SASH1: variants seen among roughly 807,000 people sequenced by gnomAD.
SASH1 encodes the protein SAM and SH3 domain containing 1.
SASH1 carries 44 observed loss-of-function variants against 125.2 expected under a neutral mutation model. The ratio of observed to expected loss-of-function variants is 0.35; its 90% CI spans 0.28 to 0.45. The LOEUF (loss-of-function observed/expected upper bound fraction) is 0.45. SASH1 is among the 20% of genes least tolerant of loss of function. The probability of loss-of-function intolerance (pLI) is 1.00; values close to 1 mark genes in which losing one functional copy is unlikely to be tolerated. For synonymous variants in SASH1, 639 were observed against 649.1 expected (o/e 0.98, Z 0.24); for missense variants, 1,426 against 1,614.5 (o/e 0.88, Z 2.00).
intron 1 of SASH1, 41 bp from the exon 2 acceptor site, chr6:148,390,093 G>A (rs989258030): frequency 2.5e-5 from 40 of 1,608,384 alleles, no homozygotes; most frequent in Non-Finnish European, 3.4e-5. Flanking sequence ...GCTTTTCCAG[G>A]GTGGACTGAC....
chr6:148,300,442 ATTTTTTTT>A (rs34126353), intron 1 of SASH1, among the ~76,000 whole-genome samples: 3 of 108,362 alleles, frequency 2.8e-5, no homozygotes, highest in African/African-American at 1.1e-4. Flanking sequence ...CAGAAACAAG[ATTTTTTTT>A]TTTTTTTTTT....
chr6:148,324,093 G>A (rs974618745), intron 1 of SASH1, among the ~76,000 whole-genome samples: 11 of 115,580 alleles, frequency 9.5e-5, no homozygotes, highest in Admixed American at 6.4e-4. Context: ...GCACGCCAGC[G>A]TGGTGACAGA....
chr6:148,340,848 G>A (rs895607261), upstream of SASH1, among the ~76,000 whole-genome samples: 10 of 152,152 alleles, frequency 6.6e-5, no homozygotes, highest in East Asian at 1.9e-4. Context: ...AAACATTATC[G>A]TCAGAGACTG....
At chr6:148,476,274 C>CAAAAAAAAAAAAAAAAAAAAAAAAA in intron 7 of SASH1, among the ~76,000 whole-genome samples, 1 of 88,148 alleles carries the variant, frequency 1.1e-5, no homozygotes, top group Non-Finnish European at 2.3e-5. Context: ...AAAAGGACAC[C>CAAAAAAAAAAAAAAAAAAAAAAAAA]AAAAAAAAAA....
intron 7 of SASH1, among the ~76,000 whole-genome samples, chr6:148,475,081 A>G (rs947772941): frequency 3.9e-5 from 6 of 152,212 alleles, no homozygotes; most frequent in Admixed American, 3.9e-4. Flanking sequence ...GTAAGGCAGC[A>G]ATTTATTAAG....
the SASH1 span, among the ~76,000 whole-genome samples, chr6:148,237,811 G>C: frequency 4.6e-5 from 7 of 152,324 alleles, no homozygotes; most frequent in African/African-American, 1.4e-4. Context: ...AGCAGAGCTA[G>C]TTGAAAGAGC....
At chr6:148,221,893 TCTTTA>T in the SASH1 span, among the ~76,000 whole-genome samples, 2 of 152,240 alleles carry the variant, frequency 1.3e-5, no homozygotes, top group African/African-American at 4.8e-5. Context: ...CTTAGCCTGT[TCTTTA>T]CTTCTCACTC....
intron 2 of SASH1, among the ~76,000 whole-genome samples, chr6:148,391,355 G>A (rs1783718211): frequency 2.0e-5 from 3 of 148,834 alleles, no homozygotes; most frequent in East Asian, 2.0e-4. Context: ...GTGACCACCC[G>A]CGTTGGCCTC....
upstream of SASH1, chr6:148,272,242 C>A (rs1344100370): frequency 2.3e-6 from 1 of 434,434 alleles, no homozygotes. Context: ...CCACATCTGC[C>A]CTGAATTGAA....
At chr6:148,545,946 G>A (rs1583341466) in intron 18 of SASH1, 69 bp from the exon 19 acceptor site, 9 of 1,470,242 alleles carry the variant, frequency 6.1e-6, no homozygotes, top group Non-Finnish European at 8.4e-6. Context: ...GTTATATGTG[G>A]TGTATCTTAG....
chr6:148,521,457 T>C (rs1023007014), intron 10 of SASH1, among the ~76,000 whole-genome samples: 1 of 152,272 alleles, frequency 6.6e-6, no homozygotes, highest in South Asian at 2.1e-4. Context: ...AATGCCATTC[T>C]TAAAACGACC....
chr6:148,283,885 G>A (rs1779412724), intron 1 of SASH1, among the ~76,000 whole-genome samples: 1 of 151,894 alleles, frequency 6.6e-6, no homozygotes, highest in Admixed American at 6.6e-5. Flanking sequence ...GAGCAATACA[G>A]GAACACACTG....
At chr6:148,270,338 C>T (rs1302181512), upstream of SASH1, among the ~76,000 whole-genome samples, 6 of 151,918 alleles carry the variant, frequency 3.9e-5, no homozygotes, top group African/African-American at 1.5e-4. Flanking sequence ...ACCCACTGCT[C>T]GCTGGCAATA....
chr6:148,363,115 A>G (rs569567684), intron 1 of SASH1, among the ~76,000 whole-genome samples: 4 of 152,284 alleles, frequency 2.6e-5, no homozygotes, highest in South Asian at 2.1e-4. Context: ...CATGGGCTGC[A>G]TGGCTGCAAA....
chr6:148,528,599 G>GA (rs879760704), intron 12 of SASH1, among the ~76,000 whole-genome samples: 8 of 152,262 alleles, frequency 5.3e-5, no homozygotes, highest in Non-Finnish European at 1.2e-4. Context: ...CGGGGAAGGG[G>GA]TGAGAGGCTA....
At chr6:148,220,299 G>A in the SASH1 span, among the ~76,000 whole-genome samples, 2 of 152,124 alleles carry the variant, frequency 1.3e-5, no homozygotes, top group Non-Finnish European at 2.9e-5. Context: ...AGCAAAAGGG[G>A]GATGAACGCT....
intron 9 of SASH1, among the ~76,000 whole-genome samples, chr6:148,516,695 C>CTG (rs1425076414): frequency 6.6e-6 from 1 of 152,042 alleles, no homozygotes; most frequent in Non-Finnish European, 1.5e-5. Context: ...GAAGTAAGCA[C>CTG]TTACACCATC....
At chr6:148,225,950 A>T in the SASH1 span, among the ~76,000 whole-genome samples, 1 of 152,238 alleles carries the variant, frequency 6.6e-6, no homozygotes, top group Non-Finnish European at 1.5e-5. Context: ...ACAATAGTTT[A>T]GCATTTTTGC....
At chr6:148,351,650 C>T (rs1320148741) in intron 1 of SASH1, among the ~76,000 whole-genome samples, 3 of 116,026 alleles carry the variant, frequency 2.6e-5, no homozygotes, top group South Asian at 3.0e-4. Flanking sequence ...TTACTCACCG[C>T]TTTTTTTTTT....
Sources: gnomAD v4.1 joint callset for allele counts (sites outside exome capture counted in the v4.1 genomes callset) on GRCh38, gnomAD v4.1.1 for gene constraint, MANE v1.5 for transcripts, NCBI Gene and HGNC (gene_info 2026-07-23, HGNC 2026-07-21) for gene names.